The following WFS1 variants were observed in gnomAD, a reference collection of about 807,000 sequenced individuals.
WFS1 encodes the protein wolframin.
A neutral mutation model predicts 68.5 loss-of-function variants in WFS1; 90 were observed. The ratio of observed to expected loss-of-function variants is 1.31; its 90% CI spans 1.11 to 1.56. The LOEUF (loss-of-function observed/expected upper bound fraction) is 1.56. Ranked by LOEUF, WFS1 falls within the 40% of genes most tolerant of loss-of-function variation. The probability of loss-of-function intolerance (pLI) is 0.00; values close to 1 mark genes in which losing one functional copy is unlikely to be tolerated. For synonymous variants in WFS1, 860 were observed against 540.7 expected (o/e 1.59, Z -8.19); for missense variants, 1,767 against 1,232.6 (o/e 1.43, Z -6.49).
At chr4:6,275,850 C>T (rs1019489630) in intron 1 of WFS1, among the ~76,000 whole-genome samples, 9 of 152,224 alleles carry the variant, frequency 5.9e-5, no homozygotes, top group Admixed American at 1.3e-4. Context: ...CTACTCAGAC[C>T]TGGCTGCTCA....
In WFS1 at chr4:6,301,788, A is replaced by G; in HGVS notation, c.1993A>G (p.Thr665Ala). Residue 665 changes from threonine to alanine, a missense_variant, in exon 8 of 8, where the codon ACC becomes GCC. Coordinates refer to ENST00000226760, the MANE Select transcript of WFS1 (RefSeq NM_006005.3). The part of the protein sequence containing the change: ...EGMKVYNSTL[T>A]WQQYGALCGP... ...CATGAAGGTCTACAACTCCACACTG[A>G]CCTGGCAGCAGTATGGTGCGCTGTG... The G allele has an allele frequency of 6.2e-7, 1 of 1,613,416 alleles. No individual in the cohort carries two copies. The highest frequency in any genetic ancestry group is 8.5e-7 in the Non-Finnish European group (1 of 1,180,002).
rs756496252 is a variant in WFS1, at chr4:6,301,385, C to T, written c.1590C>T (p.Tyr530=). Residue 530 remains tyrosine (Y), a synonymous_variant, in exon 8 of 8, where the codon TAC becomes TAT. Transcript: ENST00000226760. Reference sequence around the variant, plus strand: ...GGAATTTCAAGGGCACCTACTGCTACCTTGTGCCCTACCTGGTGTGCTTCA... The same window carrying T: ...GGAATTTCAAGGGCACCTACTGCTATCTTGTGCCCTACCTGGTGTGCTTCA... ...QLRNFKGTYC[Y]LVPYLVCFMW... is the part of the protein sequence containing the mutation. 6.2e-6 allele frequency: 10 copies of T among 1,612,606 alleles called. No homozygotes were observed. Among genetic ancestry groups the T allele is most frequent in the Non-Finnish European group, 8.5e-6 (10 of 1,180,038 alleles).
rs143633587 is a variant in WFS1, at chr4:6,300,989, C to T, written c.1194C>T (p.Gly398=). The part of the protein sequence containing the change: ...LDVEQAEVNF[G]WNHLEPYAHF... ...TGGAGCAGGCCGAGGTCAACTTCGG[C>T]TGGAACCACCTGGAGCCCTATGCCC... Residue 398 remains glycine (G), a synonymous_variant, in exon 8 of 8, where the codon GGC becomes GGT. Coordinates refer to ENST00000226760, the MANE Select transcript of WFS1 (RefSeq NM_006005.3). 3.7e-6 allele frequency: 6 copies of T among 1,614,046 alleles called. No individual in the cohort carries two copies. The highest frequency in any genetic ancestry group is 1.1e-5 in the South Asian group (1 of 91,084).
intron 3 of WFS1, 35 bp from the exon 4 acceptor site, chr4:6,288,952 G>C (rs1291904151): frequency 6.2e-7 from 1 of 1,601,406 alleles, no homozygotes; most frequent in Admixed American, 1.7e-5. Context: ...GAGAGGGTCG[G>C]AGAATCTGGA....
At chr4:6,293,457 C>T (rs1021522833) in intron 6 of WFS1, among the ~76,000 whole-genome samples, 1 of 152,214 alleles carries the variant, frequency 6.6e-6, no homozygotes, top group African/African-American at 2.4e-5. Flanking sequence ...CCCCTTCTCT[C>T]GTCCTCCGTC....
At chr4:6,299,305 G>A (rs1730756425) in intron 7 of WFS1, among the ~76,000 whole-genome samples, 2 of 152,242 alleles carry the variant, frequency 1.3e-5, no homozygotes, top group Non-Finnish European at 2.9e-5. Context: ...CTGTGGTGAA[G>A]GCCAAGAGCT....
rs764523830 is a variant in WFS1, at chr4:6,300,685, T to C, written c.890T>C (p.Met297Thr). The C allele has an allele frequency of 2.5e-6, 4 of 1,614,006 alleles. No individual in the cohort carries two copies. Among genetic ancestry groups the C allele is most frequent in the Admixed American group, 3.3e-5 (2 of 60,004 alleles). Residue 297 changes from methionine to threonine, a missense_variant, in exon 8 of 8, where the codon ATG (methionine) becomes ACG (threonine). Coordinates refer to ENST00000226760, the MANE Select transcript of WFS1 (RefSeq NM_006005.3). ...KVVKYPLHAI[M>T]EIKEYLIDMA... ...GTCAAGTACCCCCTGCACGCCATCA[T>C]GGAGATCAAGGAGTACCTGATTGAC...
intron 6 of WFS1, among the ~76,000 whole-genome samples, chr4:6,292,842 C>T (rs1730504371): frequency 6.6e-6 from 1 of 152,170 alleles, no homozygotes; most frequent in Non-Finnish European, 1.5e-5. Flanking sequence ...CCTCGCCCAT[C>T]CTAGAAGCCT....
chr4:6,298,563 C>T (rs1450753961), intron 7 of WFS1, among the ~76,000 whole-genome samples: 1 of 152,238 alleles, frequency 6.6e-6, no homozygotes, highest in South Asian at 2.1e-4. Context: ...CACGTGTAGA[C>T]GTGCATGCAC....
intron 4 of WFS1, 152 bp downstream of exon 4, chr4:6,289,283 T>C: frequency 9.4e-7 from 1 of 1,069,270 alleles, no homozygotes; most frequent in Non-Finnish European, 1.3e-6. Context: ...CTTCTCATTT[T>C]AGACACTGTT....
intron 2 of WFS1, among the ~76,000 whole-genome samples, chr4:6,285,241 T>G: frequency 6.8e-6 from 1 of 147,164 alleles, no homozygotes; most frequent in East Asian, 2.0e-4. Context: ...AGAGGGACAT[T>G]CAGGGAGGAG....
At chr4:6,294,836 G>T (rs1730580296) in intron 6 of WFS1, 3 of 715,818 alleles carry the variant, frequency 4.2e-6, no homozygotes, top group Non-Finnish European at 4.6e-6. Flanking sequence ...GTGGAGGCTG[G>T]CACTTGGCAA....
In WFS1 at chr4:6,301,063, G is replaced by A. The variant is rs142027835; in HGVS notation, c.1268G>A (p.Ser423Asn). The A allele has an allele frequency of 6.2e-7, 1 of 1,614,112 alleles. No individual in the cohort carries two copies. The highest frequency in any genetic ancestry group is 1.3e-5 in the African/African-American group (1 of 75,044). The change falls in exon 8 of 8, where the codon AGC becomes AAC. Residue 423 changes from serine (S) to asparagine (N), a missense_variant. Physicochemically the swap from Ser to Asn is conservative, Grantham distance 46 (BLOSUM62 1). Transcript: ENST00000226760. ...GTCATCTTCTCCTTCCCCATCGCCA[G>A]CAAGGACTGCATCCCCTGCTCGGAG... The part of the protein sequence containing the change: ...FFVIFSFPIA[S>N]KDCIPCSELA...
intron 7 of WFS1, 84 bp downstream of exon 7, chr4:6,295,273 C>T: frequency 6.4e-7 from 1 of 1,569,272 alleles, no homozygotes; most frequent in South Asian, 1.1e-5. Context: ...CAGGAAGCTG[C>T]AGGTGGGGAG....
intron 1 of WFS1, among the ~76,000 whole-genome samples, chr4:6,274,191 C>T (rs371402550): frequency 6.6e-5 from 10 of 152,160 alleles, no homozygotes; most frequent in African/African-American, 2.2e-4. Flanking sequence ...GGACTATCGG[C>T]GCCCGCCACC....
chr4:6,285,227 A>G (rs3821941), intron 2 of WFS1, among the ~76,000 whole-genome samples: 90,827 of 149,780 alleles, frequency 0.61, 28,139 homozygotes, highest in East Asian at 0.93. Flanking sequence ...AGGGGCATTC[A>G]GGGAGAGGGA....
intron 2 of WFS1, among the ~76,000 whole-genome samples, chr4:6,278,612 C>T (rs1730063748): frequency 1.3e-5 from 2 of 152,310 alleles, no homozygotes; most frequent in African/African-American, 2.4e-5. Flanking sequence ...ACGAGGTGCT[C>T]GAGTGGTCCA....
intron 7 of WFS1, among the ~76,000 whole-genome samples, chr4:6,296,134 G>A (rs1229786933): frequency 6.6e-6 from 1 of 152,188 alleles, no homozygotes; most frequent in Non-Finnish European, 1.5e-5. Context: ...GAGATGGTTG[G>A]GCCACCAACT....
chr4:6,291,069 G>T, intron 4 of WFS1, 128 bp from the exon 5 acceptor site: 1 of 1,083,026 alleles, frequency 9.2e-7, no homozygotes, highest in South Asian at 1.3e-5. Flanking sequence ...ATCCTTCCCT[G>T]GTAACCAAGT....
Sources: gnomAD v4.1 joint callset for allele counts (sites outside exome capture counted in the v4.1 genomes callset) on GRCh38, gnomAD v4.1.1 for gene constraint, MANE v1.5 for transcripts, NCBI Gene and HGNC (gene_info 2026-07-23, HGNC 2026-07-21) for gene names.